The following SGCZ variants were observed in gnomAD, a reference collection of about 807,000 sequenced individuals.
SGCZ encodes sarcoglycan zeta, also known as zeta-sarcoglycan.
In SGCZ, 40 loss-of-function variants were observed where a neutral mutation model predicts 41.3. The ratio of observed to expected loss-of-function variants is 0.97; its 90% CI spans 0.75 to 1.26. SGCZ has a LOEUF of 1.26. SGCZ is among the 50% of genes most tolerant of loss of function. SGCZ has a pLI of 0.00. For synonymous variants in SGCZ, 206 were observed against 137.5 expected, an observed-to-expected ratio of 1.50 and a Z score of -3.49; for missense variants, 552 against 369.8, an observed-to-expected ratio of 1.49 and a Z score of -4.04.
At chr8:14,264,886 C>T (rs1471994250) in intron 3 of SGCZ, among the ~76,000 whole-genome samples, 1 of 152,114 alleles carries the variant, frequency 6.6e-6, no homozygotes, top group Non-Finnish European at 1.5e-5. Flanking sequence ...TGGCGTGAAC[C>T]CGGGAGGCGG....
rs181860953 is a variant in SGCZ, at chr8:14,331,259, A to T, written c.235-7055T>A. Among the ~76,000 whole-genome samples the T allele has an allele frequency of 1.9e-3, 295 of 152,170 alleles. 1 individual carries two copies. The highest frequency in any genetic ancestry group is 6.9e-3 in the African/African-American group (286 of 41,564). On this transcript the variant is annotated intron_variant, in intron 2 of 7. Transcript: ENST00000382080. ...AAATTAAAAACCATATTTAAACTTC[A>T]TTTTGCTATTAATTTTTAAATCTAT...
At chr8:14,314,467 C>T (rs979934482) in intron 3 of SGCZ, among the ~76,000 whole-genome samples, 2 of 152,052 alleles carry the variant, frequency 1.3e-5, no homozygotes, top group African/African-American at 2.4e-5. Flanking sequence ...TTGAAAATCT[C>T]GTTCCAGTCA....
At chr8:14,496,876 C>G (rs1241034710) in intron 2 of SGCZ, among the ~76,000 whole-genome samples, 1 of 152,082 alleles carries the variant, frequency 6.6e-6, no homozygotes, top group African/African-American at 2.4e-5. Context: ...TGATATACAT[C>G]TATTTTATTT....
At chr8:14,296,463 TATC>T (rs1456242052) in intron 3 of SGCZ, among the ~76,000 whole-genome samples, 1 of 152,340 alleles carries the variant, frequency 6.6e-6, no homozygotes, top group Non-Finnish European at 1.5e-5. Flanking sequence ...AATGAATACT[TATC>T]ATATTTTACA....
intron 1 of SGCZ, among the ~76,000 whole-genome samples, chr8:14,696,270 TA>T (rs1171037591): frequency 1.1e-4 from 16 of 152,138 alleles, no homozygotes; most frequent in Admixed American, 2.0e-4. Context: ...AAATACCAAA[TA>T]TGAGAACTTT....
chr8:14,343,817 A>G (rs993111059), intron 2 of SGCZ, among the ~76,000 whole-genome samples: 4 of 152,106 alleles, frequency 2.6e-5, no homozygotes, highest in Non-Finnish European at 4.4e-5. Context: ...AGTATTTATC[A>G]TTTTTTTCAG....
At chr8:14,911,324 C>A (rs1377712074) in intron 1 of SGCZ, among the ~76,000 whole-genome samples, 1 of 152,006 alleles carries the variant, frequency 6.6e-6, no homozygotes, top group South Asian at 2.1e-4. Context: ...ATTTACTGAT[C>A]TCCATATTTC....
At chr8:14,492,721 C>G (rs6994616) in intron 2 of SGCZ, among the ~76,000 whole-genome samples, 152,184 of 152,306 alleles carry the variant, frequency 1, 76,031 homozygotes, top group Non-Finnish European at 1. Context: ...TCATTTACTT[C>G]AGTGAATTTG....
chr8:14,287,457 C>G (rs1043726015), intron 3 of SGCZ, among the ~76,000 whole-genome samples: 2 of 151,576 alleles, frequency 1.3e-5, no homozygotes, highest in African/African-American at 2.4e-5. Context: ...AAAAAGTGGC[C>G]CCAAGGTTTA....
chr8:14,438,195 T>A lies in SGCZ; in HGVS notation c.235-113991A>T, dbSNP rs540356232. Among the ~76,000 whole-genome samples, 6 of 152,106 alleles carry A rather than the reference T, an allele frequency of 3.9e-5. No individual in the cohort carries two copies. The South Asian group carries it at 1.2e-3, about 32-fold the overall frequency. On this transcript the variant is annotated intron_variant, in intron 2 of 7. Transcript: ENST00000382080. The stretch of plus-strand genomic sequence containing the variant: ...TTGTAAAAATAAGGTGGATGAGAAG[T>A]TTATACCTGCTTAATCACTAAGAAT...
intron 1 of SGCZ, among the ~76,000 whole-genome samples, chr8:14,780,753 A>G (rs535715375): frequency 3.3e-5 from 5 of 152,334 alleles, no homozygotes; most frequent in Middle Eastern, 3.4e-3. Flanking sequence ...CTTAATTTCA[A>G]TGCCCTTAAT....
intron 1 of SGCZ, among the ~76,000 whole-genome samples, chr8:14,991,281 T>C (rs1039825866): frequency 1.3e-5 from 2 of 152,124 alleles, no homozygotes; most frequent in Non-Finnish European, 2.9e-5. Flanking sequence ...ATAGGTACTT[T>C]GCTAATCAAA....
intron 1 of SGCZ, among the ~76,000 whole-genome samples, chr8:14,561,102 T>C (rs1442873195): frequency 6.6e-6 from 1 of 152,106 alleles, no homozygotes; most frequent in Non-Finnish European, 1.5e-5. Context: ...AGTGGCTGTT[T>C]TAGTGCAATA....
intron 1 of SGCZ, among the ~76,000 whole-genome samples, chr8:15,160,920 T>C (rs1799493826): frequency 6.6e-6 from 1 of 152,164 alleles, no homozygotes; most frequent in African/African-American, 2.4e-5. Flanking sequence ...ACTGGCGTAA[T>C]CTGGTGTGCA....
intron 3 of SGCZ, among the ~76,000 whole-genome samples, chr8:14,283,567 T>A (rs1347511839): frequency 2.0e-5 from 3 of 152,204 alleles, no homozygotes; most frequent in Non-Finnish European, 4.4e-5. Context: ...GGGTGTACAG[T>A]GTTCCTTCAC....
chr8:15,139,729 A>T (rs1808251258), intron 1 of SGCZ, among the ~76,000 whole-genome samples: 1 of 151,352 alleles, frequency 6.6e-6, no homozygotes, highest in Non-Finnish European at 1.5e-5. Flanking sequence ...TGTACATCCT[A>T]CATATCTACT....
At chr8:14,848,915 T>C (rs111376343) in intron 1 of SGCZ, among the ~76,000 whole-genome samples, 1 of 152,138 alleles carries the variant, frequency 6.6e-6, no homozygotes. Flanking sequence ...AGCTACAAGC[T>C]ATAAGGATGA....
intron 1 of SGCZ, among the ~76,000 whole-genome samples, chr8:14,927,923 T>C (rs1799806461): frequency 6.6e-6 from 1 of 152,170 alleles, no homozygotes; most frequent in Admixed American, 6.5e-5. Flanking sequence ...TAGTACCATA[T>C]TTGATGATTT....
chr8:14,235,166 C>G (rs1806711841), intron 4 of SGCZ, among the ~76,000 whole-genome samples: 1 of 152,138 alleles, frequency 6.6e-6, no homozygotes, highest in African/African-American at 2.4e-5. Context: ...TTCATTGGCA[C>G]CCAACCAACT....
Sources: allele counts gnomAD v4.1 joint callset (sites outside exome capture counted in the v4.1 genomes callset), GRCh38; gene constraint gnomAD v4.1.1; transcripts MANE v1.5; gene names NCBI Gene and HGNC (gene_info 2026-07-23, HGNC 2026-07-21).